The following ZNF469 variants were observed in gnomAD, a reference collection of about 807,000 sequenced individuals.
The protein encoded by ZNF469 is zinc finger protein 469.
A neutral mutation model predicts 1.0 loss-of-function variants in ZNF469; 1 was observed. That is an observed-to-expected ratio of 1.00 (90% CI 0.35 to 4.73). The LOEUF (loss-of-function observed/expected upper bound fraction) is 4.73. ZNF469 is among the 30% of genes most tolerant of loss of function. The probability of loss-of-function intolerance (pLI) is 0.16; values close to 1 mark genes in which losing one functional copy is unlikely to be tolerated. For missense variants in ZNF469, 6,100 were observed against 5,356.3 expected, an observed-to-expected ratio of 1.14 and a Z score of -4.33; for synonymous variants, 2,703 against 2,363.4, an observed-to-expected ratio of 1.14 and a Z score of -4.17.
intron 1 of ZNF469, among the ~76,000 whole-genome samples, chr16:88,410,117 CTT>C (rs1385759699): frequency 6.6e-6 from 1 of 152,184 alleles, no homozygotes; most frequent in African/African-American, 2.4e-5. Flanking sequence ...AGGAAGGTAA[CTT>C]AGCAGATCAG....
At chr16:88,169,862 G>A in the ZNF469 span, among the ~76,000 whole-genome samples, 5 of 152,224 alleles carry the variant, frequency 3.3e-5, no homozygotes, top group Non-Finnish European at 5.9e-5. This position sits in a 1 kb window ranked among gnomAD's most constrained non-coding sequence, Gnocchi z 6.1. Context: ...GCACACGTGG[G>A]CCCACCAGTC....
the ZNF469 span, among the ~76,000 whole-genome samples, chr16:88,129,093 G>C: frequency 4.6e-5 from 7 of 152,264 alleles, no homozygotes; most frequent in African/African-American, 7.2e-5. Context: ...CGGTAATGCA[G>C]TGATAAAGCG....
the ZNF469 span, among the ~76,000 whole-genome samples, chr16:88,245,232 G>A: frequency 6.6e-6 from 1 of 152,214 alleles, no homozygotes; most frequent in Non-Finnish European, 1.5e-5. Flanking sequence ...CAGCCTTGCT[G>A]CAGCATGAGG....
chr16:88,424,474 C>G lies in ZNF469; in HGVS notation c.-191-333C>G, dbSNP rs897938694. On this transcript the variant is annotated intron_variant, in intron 1 of 2. Coordinates refer to ENST00000565624, the MANE Select transcript of ZNF469 (RefSeq NM_001367624.2). This position sits in a 1 kb window ranked among gnomAD's most constrained non-coding sequence, Gnocchi z 4.3. ...GAGGGGCAGCGTTCTCACTGCAACT[C>G]GTAATAATCTGGAGCTTCGGAGCTG... 1.3e-5 allele frequency among the ~76,000 whole-genome samples: 2 copies of G among 152,134 alleles called. No homozygotes were observed. The highest frequency in any genetic ancestry group is 4.8e-5 in the African/African-American group (2 of 41,418).
the ZNF469 span, among the ~76,000 whole-genome samples, chr16:88,120,358 A>G: frequency 3.3e-5 from 5 of 152,196 alleles, no homozygotes; most frequent in Non-Finnish European, 5.9e-5. Context: ...ATGATAAACT[A>G]ATTCCTCCAT....
chr16:88,257,835 G>A, the ZNF469 span, among the ~76,000 whole-genome samples: 3 of 152,148 alleles, frequency 2.0e-5, no homozygotes, highest in African/African-American at 7.2e-5. Context: ...CTGAGCTGGG[G>A]CACAGCTTTG....
chr16:88,134,442 C>T, the ZNF469 span, among the ~76,000 whole-genome samples: 2 of 152,202 alleles, frequency 1.3e-5, no homozygotes, highest in Admixed American at 6.5e-5. Flanking sequence ...TCACAAACCC[C>T]TTATGGATGG....
chr16:88,405,285 G>T (rs1904996122), intron 1 of ZNF469, among the ~76,000 whole-genome samples: 1 of 151,996 alleles, frequency 6.6e-6, no homozygotes, highest in Admixed American at 6.5e-5. Context: ...TGGCACACGG[G>T]TAGCCCCTGG....
Position 88,435,232 on chromosome 16 carries a change from C to G in ZNF469, c.7762C>G (p.Pro2588Ala). The G allele has an allele frequency of 6.4e-7, 1 of 1,550,400 alleles. No homozygotes were observed. The highest frequency in any genetic ancestry group is 8.7e-7 in the Non-Finnish European group (1 of 1,146,998). Residue 2588 changes from proline to alanine, a missense_variant, in exon 3 of 3, where the codon CCG (proline) becomes GCG (alanine). Transcript: ENST00000565624. The part of the protein sequence containing the change: ...PTEHEVDVKT[P>A]ASKPRPDQAR... ...TGAGCATGAGGTAGATGTGAAGACT[C>G]CGGCCTCCAAGCCCAGACCAGACCA...
chr16:88,120,070 G>A, the ZNF469 span, among the ~76,000 whole-genome samples: 1 of 152,232 alleles, frequency 6.6e-6, no homozygotes, highest in Non-Finnish European at 1.5e-5. Flanking sequence ...GAGGGTGGAG[G>A]CTGCACCGGG....
chr16:88,356,954 G>A, the ZNF469 span, among the ~76,000 whole-genome samples: 2 of 152,274 alleles, frequency 1.3e-5, no homozygotes, highest in African/African-American at 4.8e-5. Context: ...GGCTTGCCCT[G>A]CTGTGACACG....
At chr16:88,366,686 CCAT>C in the ZNF469 span, among the ~76,000 whole-genome samples, 84 of 151,044 alleles carry the variant, frequency 5.6e-4, no homozygotes, top group East Asian at 7.2e-3. Context: ...ATCACCATCA[CCAT>C]CATCATCATC....
the ZNF469 span, chr16:88,194,767 G>A: frequency 3.3e-5 from 5 of 152,256 alleles, no homozygotes; most frequent in Non-Finnish European, 7.3e-5. Flanking sequence ...CCGGCTGAAA[G>A]GGAAGTGTCA....
the ZNF469 span, among the ~76,000 whole-genome samples, chr16:88,331,215 GTCACCACCACCACCA>G: frequency 1.3e-4 from 6 of 46,596 alleles, no homozygotes; most frequent in African/African-American, 5.9e-4. Context: ...CATCACAACC[GTCACCACCACCACCA>G]TCACCACCAT....
At chr16:88,203,782 G>A in the ZNF469 span, among the ~76,000 whole-genome samples, 5,405 of 151,984 alleles carry the variant, frequency 0.036, 265 homozygotes, top group East Asian at 0.18. Flanking sequence ...AAAGACACTG[G>A]TCATTGGATT....
At position 88,435,895 on chromosome 16, in the gene ZNF469, C is replaced by T; in HGVS notation, c.8425C>T (p.Pro2809Ser). 1 of 1,550,166 alleles carries T rather than the reference C, an allele frequency of 6.5e-7. No individual in the cohort carries two copies. Among genetic ancestry groups the T allele is most frequent in the Non-Finnish European group, 8.7e-7 (1 of 1,146,968 alleles). The change falls in exon 3 of 3, where the codon CCG becomes TCG. Residue 2809 changes from proline (P) to serine (S), a missense_variant. Coordinates refer to ENST00000565624, the MANE Select transcript of ZNF469 (RefSeq NM_001367624.2). ...PLGFPETSSS[P>S]ADSTTSSCLQ... ...GGGTTTTCCCGAGACTTCCAGCTCT[C>T]CGGCGGACAGCACCACCAGCAGCTG...
chr16:88,286,508 C>G, the ZNF469 span, among the ~76,000 whole-genome samples: 2 of 152,276 alleles, frequency 1.3e-5, no homozygotes, highest in African/African-American at 4.8e-5. Flanking sequence ...ATGCCATCCT[C>G]TGGCTGCTGA....
upstream of ZNF469, among the ~76,000 whole-genome samples, chr16:88,381,531 AGGG>A (rs1473398197): frequency 1.3e-5 from 2 of 152,232 alleles, no homozygotes; most frequent in African/African-American, 2.4e-5. Context: ...GTCCACAGCC[AGGG>A]GACCCCTGGC....
chr16:88,386,143 TC>T (rs1436614852), intron 1 of ZNF469, among the ~76,000 whole-genome samples: 13 of 152,208 alleles, frequency 8.5e-5, no homozygotes, highest in Non-Finnish European at 8.8e-5. Flanking sequence ...TTCCCCATTT[TC>T]CCTCCTGGCC....
Sources: allele counts gnomAD v4.1 joint callset (sites outside exome capture counted in the v4.1 genomes callset), GRCh38; gene constraint gnomAD v4.1.1; non-coding constraint Gnocchi (gnomAD v3.1); transcripts MANE v1.5; gene names NCBI Gene and HGNC (gene_info 2026-07-23, HGNC 2026-07-21).